The following IQCB1 variants were observed in gnomAD, a reference collection of about 807,000 sequenced individuals.
IQCB1 encodes IQ motif containing B1.
In IQCB1, 56 loss-of-function variants were observed where a neutral mutation model predicts 84.4. The ratio of observed to expected loss-of-function variants is 0.66; its 90% CI spans 0.54 to 0.83. The LOEUF (loss-of-function observed/expected upper bound fraction) is 0.83, where lower values mean the gene tolerates loss of function less well. Among genes scored for constraint, IQCB1 ranks in the 40% least tolerant of loss-of-function variants. The pLI, the probability that IQCB1 is intolerant of heterozygous loss-of-function variation, is 0.00. For missense variants in IQCB1, 629 were observed against 682.1 expected, an observed-to-expected ratio of 0.92 and a Z score of 0.87; for synonymous variants, 210 against 234.8, an observed-to-expected ratio of 0.89 and a Z score of 0.96.
chr3:121,801,407 T>A (rs12491109), intron 7 of IQCB1, among the ~76,000 whole-genome samples: 1 of 151,950 alleles, frequency 6.6e-6, no homozygotes, highest in African/African-American at 2.4e-5. Flanking sequence ...ATAACCAACA[T>A]TGAATTAATC....
chr3:121,786,694 G>T (rs890998633), intron 12 of IQCB1, among the ~76,000 whole-genome samples: 1 of 151,922 alleles, frequency 6.6e-6, no homozygotes, highest in Non-Finnish European at 1.5e-5. Context: ...TCTTCCTTTC[G>T]TGCCAATGGA....
intron 13 of IQCB1, among the ~76,000 whole-genome samples, chr3:121,779,803 G>T (rs866113873): frequency 3.9e-5 from 6 of 151,968 alleles, no homozygotes; most frequent in Non-Finnish European, 8.8e-5. Context: ...TTTGACTCTT[G>T]ATTTTATAAT....
intron 6 of IQCB1, 67 bp from the exon 7 acceptor site, chr3:121,807,510 T>C: frequency 1.1e-6 from 1 of 872,520 alleles, no homozygotes; most frequent in Non-Finnish European, 1.9e-6. Context: ...AAGATTTTGT[T>C]CTTTTCAAAC....
chr3:121,772,429 T>C, intron 14 of IQCB1, 128 bp downstream of exon 14: 1 of 877,524 alleles, frequency 1.1e-6, no homozygotes, highest in Non-Finnish European at 1.9e-6. Context: ...CTGATCTATG[T>C]AGAAATTTCC....
In IQCB1 at chr3:121,778,899, CAAA is replaced by C. The variant is rs35667822; in HGVS notation, c.1410+2841_1410+2843del. Among the ~76,000 whole-genome samples the C allele has an allele frequency of 4.6e-3, 533 of 115,222 alleles. 5 individuals are homozygous for C. Among genetic ancestry groups the C allele is most frequent in the African/African-American group, 0.016 (500 of 31,850 alleles). 75.6% of individuals were successfully genotyped at this position (115,222 alleles called of 152,430 possible). Reference sequence around the variant, plus strand: ...GGGTGACAACAGCGAAACTCTGTCTCAAAAAAAAAAAAAAAAAGGTATCTTCTT... The same window carrying C: ...GGGTGACAACAGCGAAACTCTGTCTCAAAAAAAAAAAAAAGGTATCTTCTT... On this transcript the variant is annotated intron_variant, in intron 13 of 14. Transcript: ENST00000310864.
chr3:121,815,513 G>C (rs978908999), intron 5 of IQCB1, among the ~76,000 whole-genome samples: 2 of 152,102 alleles, frequency 1.3e-5, no homozygotes, highest in Admixed American at 6.5e-5. Flanking sequence ...AAACCCCATC[G>C]TCTCAGCCCA....
At chr3:121,800,647 A>G (rs1949369498) in intron 7 of IQCB1, among the ~76,000 whole-genome samples, 1 of 151,882 alleles carries the variant, frequency 6.6e-6, no homozygotes, top group South Asian at 2.1e-4. Flanking sequence ...CCTTCTACAG[A>G]TATCCCTATC....
At chr3:121,771,046 A>G (rs13062684) in intron 14 of IQCB1, among the ~76,000 whole-genome samples, 37,430 of 152,030 alleles carry the variant, frequency 0.25, 4,944 homozygotes, top group Non-Finnish European at 0.28. Context: ...ATCTCGGCTC[A>G]CTGCAACCTC....
At chr3:121,812,992 GA>G (rs1949889472) in intron 5 of IQCB1, among the ~76,000 whole-genome samples, 1 of 152,004 alleles carries the variant, frequency 6.6e-6, no homozygotes, top group African/African-American at 2.4e-5. Context: ...TGAAATGAAG[GA>G]AAAAAATCTT....
At chr3:121,800,740 CTCT>C (rs1453806552) in intron 7 of IQCB1, among the ~76,000 whole-genome samples, 1 of 151,864 alleles carries the variant, frequency 6.6e-6, no homozygotes, top group Non-Finnish European at 1.5e-5. Flanking sequence ...CTTTTAGATG[CTCT>C]TCAACCTCCT....
rs1166108799 is a variant in IQCB1, at chr3:121,826,072, TG to T, written c.371del (p.Thr124AsnfsTer22). On this transcript the variant is annotated frameshift_variant, in exon 5 of 15. Coordinates refer to ENST00000310864, the MANE Select transcript of IQCB1 (RefSeq NM_001023570.4). LOFTEE classifies it high-confidence loss of function. ...ATACCTTAGCTGCATTGATAAAACA[TG>T]TTTGTAATTGTCTCCCCAAAACTAG... ...NFLVLGRQLQ[T>X]CFINAAKAEE... The T allele has an allele frequency of 6.2e-7, 1 of 1,613,236 alleles. No homozygotes were observed. Among genetic ancestry groups the T allele is most frequent in the Non-Finnish European group, 8.5e-7 (1 of 1,179,252 alleles).
At chr3:121,782,050 G>A (rs1192825430) in intron 12 of IQCB1, among the ~76,000 whole-genome samples, 176 bp from the exon 13 acceptor site, 3 of 152,114 alleles carry the variant, frequency 2.0e-5, no homozygotes, top group Admixed American at 2.0e-4. Flanking sequence ...AAAATATACA[G>A]TCTTCTGTAG....
At chr3:121,800,492 T>C (rs956166778) in intron 7 of IQCB1, among the ~76,000 whole-genome samples, 3 of 152,088 alleles carry the variant, frequency 2.0e-5, no homozygotes, top group Middle Eastern at 3.4e-3. Flanking sequence ...AATCAAAATA[T>C]GTGAGAATCT....
At chr3:121,808,126 C>G (rs1949676625) in intron 6 of IQCB1, among the ~76,000 whole-genome samples, 1 of 151,896 alleles carries the variant, frequency 6.6e-6, no homozygotes, top group Admixed American at 6.6e-5. Flanking sequence ...CTGAGCATAA[C>G]TACCAAAGGT....
chr3:121,785,613 C>T (rs184668311), intron 12 of IQCB1, among the ~76,000 whole-genome samples: 53 of 151,934 alleles, frequency 3.5e-4, no homozygotes, highest in Non-Finnish European at 4.9e-4. Flanking sequence ...AAAAAATGGG[C>T]GAAACAATAT....
intron 6 of IQCB1, 64 bp downstream of exon 6, chr3:121,808,852 C>T (rs944954802): frequency 1.6e-5 from 16 of 981,598 alleles, no homozygotes; most frequent in South Asian, 5.3e-5. Flanking sequence ...TTGGAAAAAA[C>T]GATCAAACTG....
At chr3:121,806,225 G>A (rs1205970346) in intron 7 of IQCB1, among the ~76,000 whole-genome samples, 3 of 152,016 alleles carry the variant, frequency 2.0e-5, no homozygotes, top group Non-Finnish European at 4.4e-5. Flanking sequence ...CAATGCCCAA[G>A]GACAAGTTAT....
chr3:121,819,059 G>C (rs1950177205), intron 5 of IQCB1, among the ~76,000 whole-genome samples: 1 of 152,154 alleles, frequency 6.6e-6, no homozygotes, highest in Admixed American at 6.5e-5. Context: ...CCATGAACTA[G>C]GGGGTCAAGG....
At chr3:121,830,990 C>G (rs1007637924) in intron 2 of IQCB1, among the ~76,000 whole-genome samples, 3 of 152,116 alleles carry the variant, frequency 2.0e-5, no homozygotes, top group Admixed American at 2.0e-4. Context: ...ATTGTCCATG[C>G]TTCAGTCATG....
Sources: gnomAD v4.1 joint callset for allele counts (sites outside exome capture counted in the v4.1 genomes callset) on GRCh38, gnomAD v4.1.1 for gene constraint, MANE v1.5 for transcripts, NCBI Gene and HGNC (gene_info 2026-07-23, HGNC 2026-07-21) for gene names.